ESRRG: variants seen among roughly 807,000 people sequenced by gnomAD.
ESRRG encodes estrogen related receptor gamma.
A neutral mutation model predicts 44.0 loss-of-function variants in ESRRG; 13 were observed. That is an observed-to-expected ratio of 0.30 (90% CI 0.19 to 0.47). The LOEUF is 0.47. Ranked by LOEUF, ESRRG falls within the 20% of genes least tolerant of loss-of-function variation. The probability of loss-of-function intolerance (pLI) is 1.00; values close to 1 mark genes in which losing one functional copy is unlikely to be tolerated. For missense variants in ESRRG, 395 were observed against 580.6 expected, an observed-to-expected ratio of 0.68 and a Z score of 3.29; for synonymous variants, 215 against 214.6, an observed-to-expected ratio of 1.00 and a Z score of -0.02.
intron 1 of ESRRG, among the ~76,000 whole-genome samples, chr1:217,067,111 T>G (rs557494129): frequency 7.2e-5 from 11 of 152,354 alleles, no homozygotes; most frequent in African/African-American, 2.2e-4. Flanking sequence ...TCTGCAAGAT[T>G]ACCCACAATA....
chr1:216,879,163 A>G lies in ESRRG; in HGVS notation c.-14+60419T>C, dbSNP rs539346394. Among the ~76,000 whole-genome samples the G allele has an allele frequency of 5.9e-5, 9 of 152,304 alleles. No individual in the cohort carries two copies. In the East Asian group the frequency reaches 1.7e-3, roughly 29 times the overall value. ...ATATAGCCCATTTATGTAATTCTTT[A>G]GCAAATCTGCTTTGCCATCTGTCTT... is the stretch of plus-strand genomic sequence containing the variant. On this transcript the variant is annotated intron_variant, in intron 2 of 7. Coordinates refer to the ESRRG transcript ENST00000359162.
intron 3 of ESRRG, among the ~76,000 whole-genome samples, chr1:216,623,357 G>A (rs918500385): frequency 6.6e-6 from 1 of 152,104 alleles, no homozygotes; most frequent in Non-Finnish European, 1.5e-5. Flanking sequence ...ATAGAACAGG[G>A]AAGATACTGC....
chr1:216,576,663 T>G (rs1040621044), intron 3 of ESRRG, among the ~76,000 whole-genome samples: 8 of 152,058 alleles, frequency 5.3e-5, no homozygotes, highest in Non-Finnish European at 8.8e-5. Context: ...GGGGATCATG[T>G]GCTAAATTTA....
intron 5 of ESRRG, among the ~76,000 whole-genome samples, chr1:216,559,197 C>G (rs2058220943): frequency 6.6e-6 from 1 of 152,108 alleles, no homozygotes; most frequent in Admixed American, 6.6e-5. Flanking sequence ...ATAATTTAAA[C>G]AGTCTTATTA....
intron 1 of ESRRG, among the ~76,000 whole-genome samples, chr1:217,100,611 T>A (rs1198103027): frequency 6.6e-6 from 1 of 152,236 alleles, no homozygotes; most frequent in Non-Finnish European, 1.5e-5. Flanking sequence ...TTGGCTCACA[T>A]TTCTGCAGAC....
chr1:217,066,321 C>T (rs1225800741), intron 1 of ESRRG, among the ~76,000 whole-genome samples: 2 of 140,278 alleles, frequency 1.4e-5, no homozygotes, highest in South Asian at 2.2e-4. Flanking sequence ...GTGGCGCGAT[C>T]TCGGCTCACT....
intron 5 of ESRRG, among the ~76,000 whole-genome samples, chr1:216,561,358 T>C (rs1488190271): frequency 1.3e-5 from 2 of 151,990 alleles, no homozygotes; most frequent in African/African-American, 2.4e-5. Flanking sequence ...TTTTAGTGTA[T>C]TAAAAAATGA....
chr1:217,044,525 A>G (rs1412173206), intron 1 of ESRRG, among the ~76,000 whole-genome samples: 1 of 152,090 alleles, frequency 6.6e-6, no homozygotes, highest in Non-Finnish European at 1.5e-5. Flanking sequence ...AACTATTCCA[A>G]ACCTAATCTG....
At chr1:216,804,789 A>T (rs1281715837) in intron 2 of ESRRG, among the ~76,000 whole-genome samples, 1 of 152,024 alleles carries the variant, frequency 6.6e-6, no homozygotes, top group African/African-American at 2.4e-5. Context: ...CCCCTTCCCC[A>T]ACCGAGATAC....
chr1:217,111,010 T>G (rs1334182716), intron 1 of ESRRG, among the ~76,000 whole-genome samples: 1 of 152,200 alleles, frequency 6.6e-6, no homozygotes, highest in Non-Finnish European at 1.5e-5. Context: ...TTATCATGAA[T>G]GCAACTCAGT....
intron 3 of ESRRG, among the ~76,000 whole-genome samples, chr1:216,628,218 A>C (rs2063517077): frequency 6.6e-6 from 1 of 152,158 alleles, no homozygotes; most frequent in Admixed American, 6.5e-5. Context: ...ACTCTGTTGA[A>C]CCTGATAGGA....
intron 2 of ESRRG, among the ~76,000 whole-genome samples, chr1:216,866,277 T>C (rs557531134): frequency 2.0e-5 from 3 of 152,222 alleles, no homozygotes; most frequent in Non-Finnish European, 2.9e-5. Flanking sequence ...GTGACCACAG[T>C]TGAAGTGTTC....
At chr1:216,935,403 A>G (rs1051672663) in intron 2 of ESRRG, among the ~76,000 whole-genome samples, 9 of 152,210 alleles carry the variant, frequency 5.9e-5, no homozygotes, top group African/African-American at 2.2e-4. Context: ...AAACTCAGAG[A>G]AACACTTGCT....
chr1:216,652,739 G>A (rs1388163432), intron 2 of ESRRG, among the ~76,000 whole-genome samples: 1 of 152,086 alleles, frequency 6.6e-6, no homozygotes, highest in Non-Finnish European at 1.5e-5. Context: ...AGAATAAAAG[G>A]ATTTATAATC....
At chr1:216,516,094 T>C (rs898524959) in intron 6 of ESRRG, among the ~76,000 whole-genome samples, 1 of 152,088 alleles carries the variant, frequency 6.6e-6, no homozygotes, top group African/African-American at 2.4e-5. Context: ...GACCTAGAGT[T>C]TTCTTTTAAA....
chr1:216,888,560 T>A (rs1349986065), intron 2 of ESRRG, among the ~76,000 whole-genome samples: 1 of 152,202 alleles, frequency 6.6e-6, no homozygotes, highest in Non-Finnish European at 1.5e-5. Context: ...TTTACTATAG[T>A]TCACCTTTCT....
intron 1 of ESRRG, among the ~76,000 whole-genome samples, chr1:217,063,141 A>G (rs2088910085): frequency 6.6e-6 from 1 of 152,134 alleles, no homozygotes; most frequent in African/African-American, 2.4e-5. Context: ...AGGAGATTGC[A>G]GTTTCAGCAG....
At chr1:216,728,928 A>T (rs1273335346) in intron 2 of ESRRG, among the ~76,000 whole-genome samples, 1 of 152,170 alleles carries the variant, frequency 6.6e-6, no homozygotes, top group Admixed American at 6.5e-5. Context: ...GTTTGATAAG[A>T]GTCTCCTTCC....
chr1:217,037,510 C>A (rs1049243389), intron 1 of ESRRG, among the ~76,000 whole-genome samples: 3 of 152,162 alleles, frequency 2.0e-5, no homozygotes, highest in Non-Finnish European at 1.5e-5. Flanking sequence ...GACCCAAACC[C>A]ATGATTCAAT....
Sources: allele counts gnomAD v4.1 joint callset (sites outside exome capture counted in the v4.1 genomes callset), GRCh38; gene constraint gnomAD v4.1.1; transcripts MANE v1.5; gene names NCBI Gene and HGNC (gene_info 2026-07-23, HGNC 2026-07-21).